The following ARMC2 variants were observed in gnomAD, a reference collection of about 807,000 sequenced individuals.
ARMC2 encodes the protein armadillo repeat containing 2.
In ARMC2, 67 loss-of-function variants were observed where a neutral mutation model predicts 90.3. That is an observed-to-expected ratio of 0.74 (90% CI 0.61 to 0.91). The LOEUF is 0.91. Among genes scored for constraint, ARMC2 ranks in the 40% least tolerant of loss-of-function variants. ARMC2 has a pLI of 0.00. For missense variants in ARMC2, 920 were observed against 1,030.9 expected (o/e 0.89, Z 1.47); for synonymous variants, 393 against 393.0 (o/e 1.00, Z 0.00).
At chr6:108,937,060 C>T (rs2128492707) in intron 12 of ARMC2, 61 bp downstream of exon 12, 1 of 1,367,282 alleles carries the variant, frequency 7.3e-7, no homozygotes, top group Non-Finnish European at 1.0e-6. Context: ...TTGTGTAAGC[C>T]CATGTTAAAT....
At chr6:109,027,123 T>C in the ARMC2 span, among the ~76,000 whole-genome samples, 1 of 151,986 alleles carries the variant, frequency 6.6e-6, no homozygotes, top group Non-Finnish European at 1.5e-5. Context: ...TGGGCTGAGA[T>C]TGCATCACTG....
chr6:108,881,532 A>G (rs1243840746), intron 5 of ARMC2, among the ~76,000 whole-genome samples: 1 of 152,172 alleles, frequency 6.6e-6, no homozygotes, highest in East Asian at 1.9e-4. Context: ...ATTCAGAAAG[A>G]TGTACTCAAT....
chr6:108,977,137 G>A (rs1778997972), downstream of ARMC2, among the ~76,000 whole-genome samples: 1 of 152,130 alleles, frequency 6.6e-6, no homozygotes, highest in African/African-American at 2.4e-5. Flanking sequence ...TTGCCTGTGG[G>A]TTTGTCATAA....
In ARMC2 at chr6:108,880,114, T is replaced by C. The variant is rs141653548; in HGVS notation, c.671+3764T>C. Reference sequence around the variant, plus strand: ...AAAACAGAGAAGTAAATTTCATCAATGAAACAACAACAAAAAAATGGCTAC... The same window carrying C: ...AAAACAGAGAAGTAAATTTCATCAACGAAACAACAACAAAAAAATGGCTAC... On this transcript the variant is annotated intron_variant, in intron 5 of 17. Coordinates refer to ENST00000392644, the MANE Select transcript of ARMC2 (RefSeq NM_032131.6). 2,689 of 367,106 alleles carry C rather than the reference T, an allele frequency of 7.3e-3. 20 individuals carry two copies. Among genetic ancestry groups the C allele is most frequent in the Middle Eastern group, 0.016 (20 of 1,248 alleles). 22.7% of individuals were successfully genotyped at this position (367,106 alleles called of 1,614,324 possible).
At chr6:109,037,784 A>G in the ARMC2 span, among the ~76,000 whole-genome samples, 2 of 151,976 alleles carry the variant, frequency 1.3e-5, no homozygotes, top group African/African-American at 2.4e-5. Context: ...CAGAAGCGCT[A>G]TTATAAAAAA....
the ARMC2 span, among the ~76,000 whole-genome samples, chr6:109,032,577 C>T: frequency 6.7e-6 from 1 of 149,698 alleles, no homozygotes; most frequent in African/African-American, 2.5e-5. Flanking sequence ...GAGATTGGGC[C>T]ATTGCACTCT....
chr6:108,881,181 T>C (rs1348576317), intron 5 of ARMC2, among the ~76,000 whole-genome samples: 1 of 151,612 alleles, frequency 6.6e-6, no homozygotes, highest in African/African-American at 2.4e-5. Context: ...CTTTTTTTTT[T>C]CTTTCTTTCT....
At chr6:109,051,843 C>T in the ARMC2 span, among the ~76,000 whole-genome samples, 1 of 152,146 alleles carries the variant, frequency 6.6e-6, no homozygotes, top group African/African-American at 2.4e-5. Context: ...TGACAGAAGA[C>T]AGTCGAACAA....
At chr6:109,009,229 G>GGTC in the ARMC2 span, 4 of 913,644 alleles carry the variant, frequency 4.4e-6, no homozygotes, top group Non-Finnish European at 5.9e-6. Context: ...CCTATCTGGG[G>GGTC]AGCGTTTTCG....
intron 13 of ARMC2, among the ~76,000 whole-genome samples, chr6:108,960,543 C>T (rs1777919150): frequency 6.6e-6 from 1 of 152,254 alleles, no homozygotes; most frequent in African/African-American, 2.4e-5. Flanking sequence ...AAAACAGACA[C>T]ATCCCTAGGC....
At chr6:108,907,475 T>TAAG in intron 8 of ARMC2, 1 of 500,818 alleles carries the variant, frequency 2.0e-6, no homozygotes, top group Non-Finnish European at 3.3e-6. Flanking sequence ...TTTTTTTTTT[T>TAAG]TTACCAGTCA....
the ARMC2 span, among the ~76,000 whole-genome samples, chr6:108,994,106 C>A: frequency 7.1e-6 from 1 of 141,262 alleles, no homozygotes; most frequent in Non-Finnish European, 1.5e-5. Flanking sequence ...CGCCACTGCA[C>A]TTCAGCCTGG....
the ARMC2 span, among the ~76,000 whole-genome samples, chr6:109,038,250 TGA>T: frequency 6.6e-6 from 1 of 152,250 alleles, no homozygotes; most frequent in African/African-American, 2.4e-5. Flanking sequence ...CCCAGCACTT[TGA>T]GAGACCAAGG....
At chr6:108,919,845 C>T (rs1284056668) in intron 10 of ARMC2, among the ~76,000 whole-genome samples, 6 of 152,152 alleles carry the variant, frequency 3.9e-5, no homozygotes, top group Non-Finnish European at 4.4e-5. Context: ...TAAGCTCTGC[C>T]TGTTCTAAAA....
At chr6:108,901,390 C>G (rs1772136419) in intron 7 of ARMC2, among the ~76,000 whole-genome samples, 1 of 148,118 alleles carries the variant, frequency 6.8e-6, no homozygotes, top group South Asian at 2.2e-4. Context: ...GCTGGGATTA[C>G]AGGCATGAGC....
At chr6:108,904,445 A>G (rs1377664381) in intron 8 of ARMC2, 40 bp downstream of exon 8, 3 of 1,501,492 alleles carry the variant, frequency 2.0e-6, no homozygotes, top group Non-Finnish European at 2.7e-6. Flanking sequence ...ACTATATCAC[A>G]TAAAAGCTTT....
At chr6:108,899,577 G>T in intron 6 of ARMC2, 117 bp from the exon 7 acceptor site, 1 of 761,746 alleles carries the variant, frequency 1.3e-6, no homozygotes, top group South Asian at 1.6e-5. Flanking sequence ...GGAGAGCAAA[G>T]GGTAATTTAA....
chr6:108,865,526 T>C (rs2128425518), intron 3 of ARMC2, among the ~76,000 whole-genome samples: 1 of 152,324 alleles, frequency 6.6e-6, no homozygotes, highest in Admixed American at 6.5e-5. Context: ...AGATGCGTGT[T>C]TAAATGGGAC....
At chr6:108,856,349 T>C (rs2128416791) in intron 2 of ARMC2, 1 of 153,860 alleles carries the variant, frequency 6.5e-6, no homozygotes, top group Admixed American at 6.5e-5. Flanking sequence ...GTTTTACTTG[T>C]TAATTTCTTG....
Sources: allele counts gnomAD v4.1 joint callset (sites outside exome capture counted in the v4.1 genomes callset), GRCh38; gene constraint gnomAD v4.1.1; transcripts MANE v1.5; gene names NCBI Gene and HGNC (gene_info 2026-07-23, HGNC 2026-07-21).